Variants in RAI14 observed in about 807,000 individuals in gnomAD.
The protein encoded by RAI14 is retinoic acid induced 14.
In RAI14, 45 loss-of-function variants were observed where a neutral mutation model predicts 115.4. The observed-to-expected ratio is 0.39, with a 90% CI of 0.31 to 0.50. The LOEUF (loss-of-function observed/expected upper bound fraction) is 0.50, where lower values mean the gene tolerates loss of function less well. RAI14 is among the 20% of genes least tolerant of loss of function. The pLI, the probability that RAI14 is intolerant of heterozygous loss-of-function variation, is 0.85. For missense variants in RAI14, 939 were observed against 1,131.2 expected, an observed-to-expected ratio of 0.83 and a Z score of 2.44; for synonymous variants, 371 against 415.4, an observed-to-expected ratio of 0.89 and a Z score of 1.30.
At chr5:34,721,317 AT>A (rs1257257270) in intron 2 of RAI14, among the ~76,000 whole-genome samples, 1 of 133,902 alleles carries the variant, frequency 7.5e-6, no homozygotes, top group Non-Finnish European at 1.7e-5. Context: ...ATATATATAT[AT>A]ATATATAGAT....
chr5:34,751,542 T>G (rs1747020287), intron 2 of RAI14, among the ~76,000 whole-genome samples: 1 of 152,248 alleles, frequency 6.6e-6, no homozygotes, highest in South Asian at 2.1e-4. Flanking sequence ...TGGGTTTTCT[T>G]GTGTGTGTCT....
Position 34,814,643 on chromosome 5 carries a change from G to T in RAI14, c.913G>T (p.Val305Leu). Residue 305 changes from valine to leucine, a missense_variant, in exon 12 of 18, where the codon GTA (valine) becomes TTA (leucine). By Grantham distance (32) the Val-to-Leu change is conservative. Coordinates refer to ENST00000265109, the MANE Select transcript of RAI14 (RefSeq NM_015577.3). ...TSTPLSGKES[V>L]FFAEPPFKAE... Reference sequence around the variant, plus strand: ...GACTCCACTATCGGGAAAGGAATCGGTATTTTTTGCTGAACCACCCTTCAA... The same window carrying T: ...GACTCCACTATCGGGAAAGGAATCGTTATTTTTTGCTGAACCACCCTTCAA... The T allele has an allele frequency of 5.0e-6, 8 of 1,613,204 alleles. No homozygotes were observed. The highest frequency in any genetic ancestry group is 6.8e-6 in the Non-Finnish European group (8 of 1,179,312).
chr5:34,762,898 G>A (rs1404920413), intron 3 of RAI14, among the ~76,000 whole-genome samples: 1 of 151,560 alleles, frequency 6.6e-6, no homozygotes, highest in Non-Finnish European at 1.5e-5. Context: ...TACCACCTGG[G>A]CATGTGTGTG....
At chr5:34,798,346 GTT>G (rs57789035) in intron 4 of RAI14, among the ~76,000 whole-genome samples, 1 of 119,554 alleles carries the variant, frequency 8.4e-6, no homozygotes, top group African/African-American at 2.8e-5. Context: ...GCCAGAATAA[GTT>G]TTTTTTTTTT....
chr5:34,664,737 C>T (rs1742976687), intron 1 of RAI14, among the ~76,000 whole-genome samples: 1 of 151,618 alleles, frequency 6.6e-6, no homozygotes, highest in African/African-American at 2.4e-5. Flanking sequence ...GCAGTATACG[C>T]TGCATCCTAT....
chr5:34,667,350 A>C (rs573730757), intron 1 of RAI14: 19 of 152,136 alleles, frequency 1.2e-4, no homozygotes, highest in African/African-American at 4.6e-4. Flanking sequence ...CAGTCCTCCC[A>C]CCTTAGCCTC....
At chr5:34,657,629 C>G (rs934096196) in intron 1 of RAI14, among the ~76,000 whole-genome samples, 2 of 152,230 alleles carry the variant, frequency 1.3e-5, no homozygotes, top group African/African-American at 2.4e-5. Context: ...GGTGGGATTC[C>G]GTCTTCCTTC....
intron 1 of RAI14, among the ~76,000 whole-genome samples, chr5:34,664,344 T>G (rs1742933518): frequency 6.8e-6 from 1 of 147,244 alleles, no homozygotes; most frequent in South Asian, 2.1e-4. Context: ...AAAAAAAAAG[T>G]ATATTTATAT....
chr5:34,679,317 C>CTCAT (rs1744224499), intron 1 of RAI14, among the ~76,000 whole-genome samples: 1 of 152,182 alleles, frequency 6.6e-6, no homozygotes, highest in Non-Finnish European at 1.5e-5. Context: ...AACCGTAGTG[C>CTCAT]TCATTCATTC....
chr5:34,698,711 T>C (rs1739649443), intron 2 of RAI14, among the ~76,000 whole-genome samples: 1 of 151,778 alleles, frequency 6.6e-6, no homozygotes, highest in South Asian at 2.1e-4. Context: ...TGATGGGAGG[T>C]ATGGGCCTCT....
chr5:34,767,170 GAGCT>G (rs1749501637), intron 3 of RAI14, among the ~76,000 whole-genome samples: 1 of 152,140 alleles, frequency 6.6e-6, no homozygotes, highest in East Asian at 1.9e-4. Flanking sequence ...TTTCATTTTA[GAGCT>G]ATTTTCAAAG....
chr5:34,702,712 T>C (rs1040093130), intron 2 of RAI14, among the ~76,000 whole-genome samples: 2 of 152,206 alleles, frequency 1.3e-5, no homozygotes, highest in African/African-American at 4.8e-5. Flanking sequence ...GTAAATAGTC[T>C]TTTTGTTTTT....
intron 13 of RAI14, among the ~76,000 whole-genome samples, chr5:34,820,771 A>G (rs758286172): frequency 1.3e-5 from 2 of 152,218 alleles, no homozygotes; most frequent in Non-Finnish European, 2.9e-5. Context: ...CTCTGTGAGC[A>G]CCTTGAATAG....
intron 2 of RAI14, among the ~76,000 whole-genome samples, chr5:34,743,618 C>G (rs1206398892): frequency 6.6e-6 from 1 of 151,164 alleles, no homozygotes. Flanking sequence ...TAGCCAACAC[C>G]AAGTATGGGA....
intron 3 of RAI14, among the ~76,000 whole-genome samples, chr5:34,773,682 A>G (rs775946835): frequency 1.3e-5 from 2 of 152,216 alleles, no homozygotes; most frequent in Non-Finnish European, 2.9e-5. Context: ...CATCAGGGAA[A>G]TGCAAATCAA....
At chr5:34,830,363 ATCT>A (rs1334332496) in intron 17 of RAI14, among the ~76,000 whole-genome samples, 3 of 152,096 alleles carry the variant, frequency 2.0e-5, no homozygotes, top group Admixed American at 6.5e-5. Context: ...AGCAATGCTG[ATCT>A]TCTTAGTTAC....
At chr5:34,720,009 ATAAT>A (rs1325989684) in intron 2 of RAI14, among the ~76,000 whole-genome samples, 5 of 152,176 alleles carry the variant, frequency 3.3e-5, no homozygotes, top group Admixed American at 2.0e-4. Context: ...AAAAATTTAA[ATAAT>A]TATAGAAAAA....
At chr5:34,728,194 T>G (rs1743720972) in intron 2 of RAI14, among the ~76,000 whole-genome samples, 1 of 152,228 alleles carries the variant, frequency 6.6e-6, no homozygotes. Flanking sequence ...CCACTGTATC[T>G]AGGAAGTAAC....
chr5:34,799,836 C>T (rs191658108), intron 4 of RAI14, among the ~76,000 whole-genome samples: 202 of 152,042 alleles, frequency 1.3e-3, no homozygotes, highest in Non-Finnish European at 2.4e-3. Flanking sequence ...TACAGGCGCC[C>T]GCCACCACGC....
Sources: allele counts gnomAD v4.1 joint callset (sites outside exome capture counted in the v4.1 genomes callset), GRCh38; gene constraint gnomAD v4.1.1; transcripts MANE v1.5; gene names NCBI Gene and HGNC (gene_info 2026-07-23, HGNC 2026-07-21).